DNAH7: variants seen among roughly 807,000 people sequenced by gnomAD.
The protein encoded by DNAH7 is dynein axonemal heavy chain 7, also known as axonemal beta dynein heavy chain 7.
DNAH7 carries 397 observed loss-of-function variants against 444.6 expected under a neutral mutation model. The ratio of observed to expected loss-of-function variants is 0.89; its 90% CI spans 0.82 to 0.97. The LOEUF (loss-of-function observed/expected upper bound fraction) is 0.97, where lower values mean the gene tolerates loss of function less well. Ranked by LOEUF, DNAH7 falls within the 50% of genes least tolerant of loss-of-function variation. The pLI is 0.00. For synonymous variants in DNAH7, 1,636 were observed against 1,624.4 expected, an observed-to-expected ratio of 1.01 and a Z score of -0.17; for missense variants, 4,902 against 4,800.8, an observed-to-expected ratio of 1.02 and a Z score of -0.62.
At chr2:195,878,798 T>C (rs756932880) in intron 36 of DNAH7, among the ~76,000 whole-genome samples, 2 of 152,054 alleles carry the variant, frequency 1.3e-5, no homozygotes, top group African/African-American at 2.4e-5. Context: ...TATTAAAAAT[T>C]TGGCAAAAAT....
In DNAH7 at chr2:195,838,362, C is replaced by T. The variant is rs1262096672; in HGVS notation, c.8946-4002G>A. 3.3e-5 allele frequency among the ~76,000 whole-genome samples: 5 copies of T among 151,726 alleles called. No homozygotes were observed. In the East Asian group the frequency reaches 9.6e-4, roughly 29 times the overall value. Reference sequence around the variant, plus strand: ...TGTGATTAATTCTCAAAGAAATAGACAGATTTGAAATTACCAGAAAAAACT... The same window carrying T: ...TGTGATTAATTCTCAAAGAAATAGATAGATTTGAAATTACCAGAAAAAACT... On this transcript the variant is annotated intron_variant, in intron 47 of 64. Transcript: ENST00000312428.
At chr2:196,028,450 G>A (rs1695829290) in intron 5 of DNAH7, among the ~76,000 whole-genome samples, 1 of 152,154 alleles carries the variant, frequency 6.6e-6, no homozygotes, top group South Asian at 2.1e-4. Flanking sequence ...ACACAGTTTT[G>A]CAGAAGACAC....
At chr2:195,769,505 C>T (rs1329190112) in intron 61 of DNAH7, among the ~76,000 whole-genome samples, 2 of 152,060 alleles carry the variant, frequency 1.3e-5, no homozygotes, top group Non-Finnish European at 2.9e-5. Flanking sequence ...TAAACCCTGC[C>T]ATTGGGCAGA....
At chr2:195,829,061 G>A (rs868257774) in intron 48 of DNAH7, among the ~76,000 whole-genome samples, 1 of 151,986 alleles carries the variant, frequency 6.6e-6, no homozygotes, top group Admixed American at 6.6e-5. Flanking sequence ...GCCTTCTCTG[G>A]TTTTTCTGAA....
chr2:196,051,931 C>G (rs545600188), intron 2 of DNAH7, among the ~76,000 whole-genome samples: 33 of 152,258 alleles, frequency 2.2e-4, no homozygotes, highest in Middle Eastern at 3.4e-3. Context: ...AATCATTTAA[C>G]TTGTTCTCCA....
At chr2:195,754,567 C>CT (rs530304073) in intron 62 of DNAH7, 53 bp from the exon 63 acceptor site, 603 of 1,520,648 alleles carry the variant, frequency 4.0e-4, no homozygotes, top group Admixed American at 7.3e-4. Flanking sequence ...ACCTTTTTTT[C>CT]TTTTTTTTTG....
chr2:195,880,696 TA>T (rs1460609877), intron 36 of DNAH7, among the ~76,000 whole-genome samples: 1 of 152,200 alleles, frequency 6.6e-6, no homozygotes, highest in Non-Finnish European at 1.5e-5. Flanking sequence ...TCAATTATCA[TA>T]AAATTATAGA....
chr2:195,938,686 A>G (rs1308935387), intron 19 of DNAH7, among the ~76,000 whole-genome samples: 1 of 152,176 alleles, frequency 6.6e-6, no homozygotes, highest in Non-Finnish European at 1.5e-5. Context: ...CAAACAAACA[A>G]CAACAAACCA....
At chr2:196,067,170 G>A (rs531287301) in intron 1 of DNAH7, among the ~76,000 whole-genome samples, 1 of 152,234 alleles carries the variant, frequency 6.6e-6, no homozygotes, top group African/African-American at 2.4e-5. Context: ...GTTTTTTGTG[G>A]ATACTTTTTA....
intron 24 of DNAH7, among the ~76,000 whole-genome samples, chr2:195,917,927 C>G (rs764776360): frequency 1.3e-5 from 2 of 152,120 alleles, no homozygotes; most frequent in Non-Finnish European, 2.9e-5. Context: ...CCTTGGCCTC[C>G]CAAAGTGCTG....
chr2:196,009,712 A>T (rs1694613172), intron 10 of DNAH7, among the ~76,000 whole-genome samples: 1 of 152,198 alleles, frequency 6.6e-6, no homozygotes, highest in Admixed American at 6.5e-5. Context: ...AACTAGACAA[A>T]GTAGAGAGAC....
At chr2:195,747,285 C>A in intron 63 of DNAH7, among the ~76,000 whole-genome samples, 1 of 152,158 alleles carries the variant, frequency 6.6e-6, no homozygotes, top group Non-Finnish European at 1.5e-5. Flanking sequence ...TATATCCTCC[C>A]AAGACTAAAC....
chr2:196,040,765 T>C lies in DNAH7; in HGVS notation c.398+6587A>G, dbSNP rs1476415958. On this transcript the variant is annotated intron_variant, in intron 5 of 64. Coordinates refer to ENST00000312428, the MANE Select transcript of DNAH7 (RefSeq NM_018897.3). ...AGAAAGGGCATCCTAATTGGAAAGGTAGAAGTCAAATTGTTCTTGTTTGCA... is the reference window on the plus strand; with the variant it reads ...AGAAAGGGCATCCTAATTGGAAAGGCAGAAGTCAAATTGTTCTTGTTTGCA... 1.1e-4 allele frequency among the ~76,000 whole-genome samples: 16 copies of C among 152,030 alleles called. 1 individual carries two copies. The highest frequency in any genetic ancestry group is 9.2e-4 in the Admixed American group (14 of 15,272).
intron 20 of DNAH7, among the ~76,000 whole-genome samples, chr2:195,936,243 G>A (rs746620742): frequency 4.6e-5 from 7 of 151,784 alleles, no homozygotes; most frequent in Admixed American, 3.3e-4. Context: ...GCATGGTGGC[G>A]CACGCCTGTA....
At chr2:195,951,576 T>A (rs922529286) in intron 19 of DNAH7, among the ~76,000 whole-genome samples, 2 of 152,178 alleles carry the variant, frequency 1.3e-5, no homozygotes, top group Admixed American at 1.3e-4. Flanking sequence ...AGTCCAAGTC[T>A]CTTCTTAGGT....
intron 57 of DNAH7, among the ~76,000 whole-genome samples, chr2:195,793,461 G>A (rs1695986650): frequency 6.6e-6 from 1 of 152,122 alleles, no homozygotes; most frequent in African/African-American, 2.4e-5. Flanking sequence ...TTTGCAAAGA[G>A]GCTCTGTCTA....
intron 24 of DNAH7, among the ~76,000 whole-genome samples, chr2:195,910,661 T>A (rs1687304894): frequency 6.6e-6 from 1 of 152,116 alleles, no homozygotes; most frequent in Admixed American, 6.5e-5. Context: ...ATGAGTATAT[T>A]TATGCTCAGA....
At position 196,026,821 on chromosome 2, in the gene DNAH7, G is replaced by A. The variant is rs748843740; in HGVS notation, c.606C>T (p.Ser202=). The A allele has an allele frequency of 1.9e-6, 3 of 1,612,566 alleles. No homozygotes were observed. The Admixed American group carries it at 5.0e-5, about 27-fold the overall frequency. The part of the protein sequence containing the change: ...VPQHLKVFTD[S]IVTLSDEMRE... ...TCATTTCATCAGATAATGTAACTAT[G>A]CTGTCAGTGAAGACTTTCAGATGTT... The change falls in exon 7 of 65, where the codon AGC becomes AGT. Residue 202 remains serine (S), a synonymous_variant. Transcript: ENST00000312428.
chr2:195,806,823 G>C lies in DNAH7; in HGVS notation c.10093C>G (p.His3365Asp). 6.2e-7 allele frequency: 1 copy of C among 1,612,702 alleles called. No individual in the cohort carries two copies. The highest frequency in any genetic ancestry group is 1.7e-4 in the Middle Eastern group (1 of 6,054). ...KKVYDSLEPH[H>D]EVFPEEWEDK... ...TCCCATTCTTCAGGGAAAACCTCATGGTGTGGTTCCTAAAATTACAGTGTA... is the reference window on the plus strand; with the variant it reads ...TCCCATTCTTCAGGGAAAACCTCATCGTGTGGTTCCTAAAATTACAGTGTA... Residue 3365 changes from histidine (H) to aspartate (D), a missense_variant, in exon 54 of 65, where the codon CAT becomes GAT. His to Asp is a moderately conservative substitution (Grantham distance 81). Coordinates refer to ENST00000312428, the MANE Select transcript of DNAH7 (RefSeq NM_018897.3).
Sources: gnomAD v4.1 joint callset for allele counts (sites outside exome capture counted in the v4.1 genomes callset) on GRCh38, gnomAD v4.1.1 for gene constraint, MANE v1.5 for transcripts, NCBI Gene and HGNC (gene_info 2026-07-23, HGNC 2026-07-21) for gene names.